The following PLCXD3 variants were observed in gnomAD, a reference collection of about 807,000 sequenced individuals.
PLCXD3 encodes phosphatidylinositol specific phospholipase C X domain containing 3.
PLCXD3 carries 19 observed loss-of-function variants against 25.5 expected under a neutral mutation model. The observed-to-expected ratio is 0.75, with a 90% CI of 0.52 to 1.09. PLCXD3 has a LOEUF of 1.09. PLCXD3 is among the 50% of genes least tolerant of loss of function. PLCXD3 has a pLI of 0.00. For synonymous variants in PLCXD3, 174 were observed against 137.6 expected (o/e 1.26, Z -1.85); for missense variants, 411 against 388.1 (o/e 1.06, Z -0.50).
At chr5:41,330,692 C>T (rs991095948) in intron 2 of PLCXD3, among the ~76,000 whole-genome samples, 1 of 152,102 alleles carries the variant, frequency 6.6e-6, no homozygotes, top group Non-Finnish European at 1.5e-5. Flanking sequence ...TGCAAAAATC[C>T]TCAATAAAAT....
Position 41,477,986 on chromosome 5 carries a change from C to T in PLCXD3, c.103+32438G>A, listed in dbSNP as rs142863545. Among the ~76,000 whole-genome samples the T allele has an allele frequency of 3.2e-4, 48 of 152,288 alleles. No individual in the cohort carries two copies. In the Middle Eastern group the frequency reaches 0.01, roughly 32 times the overall value. On this transcript the variant is annotated intron_variant, in intron 1 of 2. Coordinates refer to ENST00000377801, the MANE Select transcript of PLCXD3 (RefSeq NM_001005473.3). ...AGAATTAGTGACAGACATATACTGT[C>T]TAGGAGTAGGGTGGGAGTGGGTTGC...
Position 41,432,429 on chromosome 5 carries a change from A to T in PLCXD3, c.104-49895T>A, listed in dbSNP as rs1192803356. On this transcript the variant is annotated intron_variant, in intron 1 of 2. Transcript: ENST00000377801. The stretch of plus-strand genomic sequence containing the variant: ...TATTCAGCAGATAAAGGAAAGTAAG[A>T]AGGGGATGAAAGTGGATGGGGGGAT... Among the ~76,000 whole-genome samples the T allele has an allele frequency of 2.0e-5, 3 of 151,888 alleles. No homozygotes were observed. In the East Asian group the frequency reaches 5.8e-4, roughly 29 times the overall value.
At chr5:41,425,651 A>AATT (rs1299541696) in intron 1 of PLCXD3, among the ~76,000 whole-genome samples, 1 of 152,146 alleles carries the variant, frequency 6.6e-6, no homozygotes, top group Non-Finnish European at 1.5e-5. Context: ...TCTCCTTTCT[A>AATT]ACCCCTGGCC....
intron 1 of PLCXD3, among the ~76,000 whole-genome samples, chr5:41,410,900 C>A (rs1044326583): frequency 2.0e-5 from 3 of 152,130 alleles, no homozygotes; most frequent in African/African-American, 7.2e-5. Flanking sequence ...GCCACCTTCT[C>A]CCCCGATTTC....
intron 1 of PLCXD3, among the ~76,000 whole-genome samples, chr5:41,438,883 T>C (rs1245685975): frequency 6.6e-6 from 1 of 152,186 alleles, no homozygotes; most frequent in Non-Finnish European, 1.5e-5. Context: ...AGCCAAACGT[T>C]TCTCTCTGTG....
chr5:41,409,030 G>A (rs1746438297), intron 1 of PLCXD3, among the ~76,000 whole-genome samples: 1 of 152,144 alleles, frequency 6.6e-6, no homozygotes, highest in Non-Finnish European at 1.5e-5. Context: ...AAACAACTTG[G>A]GAGAGAACCA....
intron 1 of PLCXD3, among the ~76,000 whole-genome samples, chr5:41,443,628 G>A (rs1017433375): frequency 6.6e-6 from 1 of 152,214 alleles, no homozygotes; most frequent in Non-Finnish European, 1.5e-5. Context: ...AGGGTGAAAA[G>A]AAGGAGAGAC....
chr5:41,493,384 C>T (rs1748751418), intron 1 of PLCXD3, among the ~76,000 whole-genome samples: 1 of 152,344 alleles, frequency 6.6e-6, no homozygotes, highest in Admixed American at 6.5e-5. Flanking sequence ...GGTCAGGGGT[C>T]AGGGACCCAC....
intron 2 of PLCXD3, among the ~76,000 whole-genome samples, chr5:41,374,604 G>C (rs910715525): frequency 2.6e-5 from 4 of 152,112 alleles, no homozygotes; most frequent in African/African-American, 9.7e-5. Context: ...TATAGAGACA[G>C]GGAGTGACAG....
At chr5:41,316,383 G>A (rs982779239) in intron 2 of PLCXD3, among the ~76,000 whole-genome samples, 1 of 152,194 alleles carries the variant, frequency 6.6e-6, no homozygotes, top group Admixed American at 6.5e-5. Context: ...CTTGGGTCTT[G>A]GGTGAACCTC....
chr5:41,402,728 A>G (rs1447947062), intron 1 of PLCXD3, among the ~76,000 whole-genome samples: 1 of 151,804 alleles, frequency 6.6e-6, no homozygotes, highest in East Asian at 1.9e-4. Flanking sequence ...TATATTTTGA[A>G]GCTCTCTTAT....
rs113343918 is a variant in PLCXD3, at chr5:41,407,423, C to T, written c.104-24889G>A. On this transcript the variant is annotated intron_variant, in intron 1 of 2. Transcript: ENST00000377801. The stretch of plus-strand genomic sequence containing the variant: ...CAAAATTTACTCATTTGATTCTTAC[C>T]TGACAGCTAACAATTAATCTTAATT... Among the ~76,000 whole-genome samples the T allele has an allele frequency of 3.4e-4, 51 of 152,206 alleles. 2 individuals carry two copies. The highest frequency in any genetic ancestry group is 1.2e-3 in the African/African-American group (49 of 41,536).
chr5:41,460,507 A>T (rs1020443224), intron 1 of PLCXD3, among the ~76,000 whole-genome samples: 1 of 151,990 alleles, frequency 6.6e-6, no homozygotes, highest in African/African-American at 2.4e-5. Flanking sequence ...ATCACAGCTC[A>T]TCAACATTTA....
At chr5:41,348,632 T>C (rs1336790470) in intron 2 of PLCXD3, among the ~76,000 whole-genome samples, 1 of 152,020 alleles carries the variant, frequency 6.6e-6, no homozygotes, top group Non-Finnish European at 1.5e-5. Context: ...AGAAAATTAC[T>C]GAGTTTTTTT....
chr5:41,483,423 T>C (rs1748455178), intron 1 of PLCXD3, among the ~76,000 whole-genome samples: 1 of 152,162 alleles, frequency 6.6e-6, no homozygotes. Context: ...TAGCAAGTTA[T>C]TGAATGTTTC....
At chr5:41,373,800 A>T (rs1745197645) in intron 2 of PLCXD3, among the ~76,000 whole-genome samples, 1 of 152,132 alleles carries the variant, frequency 6.6e-6, no homozygotes, top group Non-Finnish European at 1.5e-5. Context: ...TCTAGAAATT[A>T]TTAAGTCTTC....
chr5:41,375,574 T>A (rs950710837), intron 2 of PLCXD3, among the ~76,000 whole-genome samples: 1 of 152,126 alleles, frequency 6.6e-6, no homozygotes, highest in Non-Finnish European at 1.5e-5. Context: ...TTAAGCCCAG[T>A]CATCTCTAAC....
intron 2 of PLCXD3, among the ~76,000 whole-genome samples, chr5:41,335,067 A>T (rs2150475844): frequency 6.6e-6 from 1 of 152,302 alleles, no homozygotes; most frequent in South Asian, 2.1e-4. Context: ...GTGGGATCAC[A>T]TGTTCTCACT....
intron 1 of PLCXD3, among the ~76,000 whole-genome samples, chr5:41,444,832 A>G (rs962399995): frequency 6.6e-6 from 1 of 152,180 alleles, no homozygotes; most frequent in Non-Finnish European, 1.5e-5. Context: ...CCTTTCGATT[A>G]TGGTAGCATA....
Sources: allele counts gnomAD v4.1 joint callset (sites outside exome capture counted in the v4.1 genomes callset), GRCh38; gene constraint gnomAD v4.1.1; transcripts MANE v1.5; gene names NCBI Gene and HGNC (gene_info 2026-07-23, HGNC 2026-07-21).